The following NEGR1 variants were observed in gnomAD, a reference collection of about 807,000 sequenced individuals.
NEGR1 encodes IgLON family member 4.
A neutral mutation model predicts 40.9 loss-of-function variants in NEGR1; 10 were observed. The ratio of observed to expected loss-of-function variants is 0.24; its 90% CI spans 0.15 to 0.42. NEGR1 has a LOEUF of 0.42. NEGR1 is among the 10% of genes least tolerant of loss of function. The pLI, the probability that NEGR1 is intolerant of heterozygous loss-of-function variation, is 1.00. For synonymous variants in NEGR1, 185 were observed against 166.8 expected (o/e 1.11, Z -0.84); for missense variants, 352 against 438.9 (o/e 0.80, Z 1.77).
intron 1 of NEGR1, among the ~76,000 whole-genome samples, chr1:72,099,408 A>T (rs1238028620): frequency 6.6e-6 from 1 of 152,032 alleles, no homozygotes; most frequent in Non-Finnish European, 1.5e-5. Flanking sequence ...TCATTATAAT[A>T]GTTTTGAGCT....
chr1:71,977,808 C>A (rs1646319540), intron 1 of NEGR1, among the ~76,000 whole-genome samples: 1 of 135,232 alleles, frequency 7.4e-6, no homozygotes, highest in East Asian at 2.1e-4. Context: ...AACAAAGAGA[C>A]TAAAGCGCAA....
At chr1:71,727,074 T>G (rs1654698860) in intron 3 of NEGR1, among the ~76,000 whole-genome samples, 1 of 152,178 alleles carries the variant, frequency 6.6e-6, no homozygotes, top group African/African-American at 2.4e-5. Context: ...ACTTGTTTAT[T>G]TCTGCCCCTT....
At chr1:71,563,075 G>C (rs1648510303) in intron 6 of NEGR1, among the ~76,000 whole-genome samples, 1 of 151,986 alleles carries the variant, frequency 6.6e-6, no homozygotes, top group African/African-American at 2.4e-5. Flanking sequence ...TCCTCTCATG[G>C]GGAAGTAAGT....
chr1:72,066,840 A>C (rs1254299337), intron 1 of NEGR1, among the ~76,000 whole-genome samples: 2 of 152,146 alleles, frequency 1.3e-5, no homozygotes, highest in Non-Finnish European at 2.9e-5. Context: ...TCAGACAAAG[A>C]CACTGACCGA....
chr1:72,236,626 T>A, intron 1 of NEGR1, among the ~76,000 whole-genome samples: 1 of 151,976 alleles, frequency 6.6e-6, no homozygotes, highest in Non-Finnish European at 1.5e-5. Flanking sequence ...GGGCTATTTC[T>A]TATTGTAAAG....
At chr1:71,461,670 A>G (rs2101344224) in intron 6 of NEGR1, 1 of 152,330 alleles carries the variant, frequency 6.6e-6, no homozygotes, top group African/African-American at 2.4e-5. Flanking sequence ...CCAATATCAA[A>G]TATCCATACG....
At chr1:72,170,860 A>G (rs1651938109) in intron 1 of NEGR1, among the ~76,000 whole-genome samples, 1 of 152,096 alleles carries the variant, frequency 6.6e-6, no homozygotes, top group African/African-American at 2.4e-5. Context: ...CAAGACCCCT[A>G]CTAATTTGAG....
chr1:72,087,141 C>T (rs1486631890), intron 1 of NEGR1, among the ~76,000 whole-genome samples: 3 of 152,002 alleles, frequency 2.0e-5, no homozygotes, highest in Admixed American at 6.6e-5. Flanking sequence ...ATGACTAGGC[C>T]GGGCACAGTG....
At chr1:71,470,127 A>G (rs544931178) in intron 6 of NEGR1, among the ~76,000 whole-genome samples, 1 of 152,226 alleles carries the variant, frequency 6.6e-6, no homozygotes, top group East Asian at 1.9e-4. Flanking sequence ...TCAAGGGCCA[A>G]ACATTAGATG....
At chr1:71,534,394 G>T (rs368230349) in intron 6 of NEGR1, among the ~76,000 whole-genome samples, 1 of 151,794 alleles carries the variant, frequency 6.6e-6, no homozygotes, top group East Asian at 2.0e-4. Flanking sequence ...GTCCCGTTCT[G>T]CAGGGCTGAT....
intron 1 of NEGR1, chr1:72,274,955 T>C: frequency 6.6e-7 from 1 of 1,526,488 alleles, no homozygotes. Context: ...GCGCACGATG[T>C]AGCAGCACAA....
chr1:72,188,247 T>A (rs2100424069), intron 1 of NEGR1, among the ~76,000 whole-genome samples: 1 of 151,572 alleles, frequency 6.6e-6, no homozygotes, highest in Middle Eastern at 3.4e-3. Context: ...GGCTCAGTTT[T>A]ATCAGTAAAT....
chr1:72,041,980 C>T (rs144231602), intron 1 of NEGR1, among the ~76,000 whole-genome samples: 102 of 124,762 alleles, frequency 8.2e-4, no homozygotes, highest in Admixed American at 2.6e-3. Flanking sequence ...ATATATAATA[C>T]ATATTTGAGA....
rs199781608 is a variant in NEGR1 at position 71,624,259 on chromosome 1, C to T, written c.668-13113G>A. ...TTTAAAATGCATCTGAAATCTTATA[C>T]TTCTCATCACTCCTATAGTTATCAT... On this transcript the variant is annotated intron_variant, in intron 4 of 6. Transcript: ENST00000357731. 2.0e-5 allele frequency among the ~76,000 whole-genome samples: 3 copies of T among 152,014 alleles called. No individual in the cohort carries two copies. The East Asian group carries it at 5.8e-4, about 29-fold the overall frequency.
At chr1:72,188,658 C>T (rs1161079633) in intron 1 of NEGR1, among the ~76,000 whole-genome samples, 2 of 151,270 alleles carry the variant, frequency 1.3e-5, no homozygotes, top group Non-Finnish European at 3.0e-5. Context: ...AATTGGTACA[C>T]AAAAATCTCA....
At chr1:71,655,378 A>G (rs1346933178) in intron 4 of NEGR1, among the ~76,000 whole-genome samples, 2 of 152,176 alleles carry the variant, frequency 1.3e-5, no homozygotes, top group Non-Finnish European at 2.9e-5. Flanking sequence ...TTATACCTAA[A>G]GCCTTCAGAT....
Position 71,844,833 on chromosome 1 carries a change from C to G in NEGR1, c.410-68536G>C, listed in dbSNP as rs1471184516. Among the ~76,000 whole-genome samples, 5 of 152,126 alleles carry G rather than the reference C, an allele frequency of 3.3e-5. No individual in the cohort carries two copies. In the East Asian group the frequency reaches 9.7e-4, roughly 29 times the overall value. On this transcript the variant is annotated intron_variant, in intron 2 of 6. Coordinates refer to ENST00000357731, the MANE Select transcript of NEGR1 (RefSeq NM_173808.3). ...CATGGTGACTGGCCTTGGCCCAACCCCAGGACAGAGATTGTCTTGTCTTCC... is the reference window on the plus strand; with the variant it reads ...CATGGTGACTGGCCTTGGCCCAACCGCAGGACAGAGATTGTCTTGTCTTCC...
chr1:72,261,946 G>GCCTAGA (rs775978614), intron 1 of NEGR1, among the ~76,000 whole-genome samples: 55 of 152,148 alleles, frequency 3.6e-4, no homozygotes, highest in Non-Finnish European at 7.4e-4. Context: ...TACACTAAAT[G>GCCTAGA]CCTAGACTTT....
intron 2 of NEGR1, among the ~76,000 whole-genome samples, chr1:71,854,464 T>C (rs1659700895): frequency 1.3e-5 from 2 of 152,104 alleles, no homozygotes; most frequent in African/African-American, 4.8e-5. Context: ...TTAGAAGATA[T>C]TTTTTAAAAA....
Sources: allele counts gnomAD v4.1 joint callset (sites outside exome capture counted in the v4.1 genomes callset), GRCh38; gene constraint gnomAD v4.1.1; transcripts MANE v1.5; gene names NCBI Gene and HGNC (gene_info 2026-07-23, HGNC 2026-07-21).